The following SCG3 variants were observed in gnomAD, a reference collection of about 807,000 sequenced individuals.
The protein encoded by SCG3 is secretogranin III, also known as secretogranin-3.
Under a neutral mutation model 56.2 loss-of-function variants are expected in SCG3, and 38 were observed. The observed-to-expected ratio is 0.68, with a 90% CI of 0.52 to 0.89. The LOEUF (loss-of-function observed/expected upper bound fraction) is 0.89, where lower values mean the gene tolerates loss of function less well. SCG3 is among the 40% of genes least tolerant of loss of function. The pLI, the probability that SCG3 is intolerant of heterozygous loss-of-function variation, is 0.00. For synonymous variants in SCG3, 176 were observed against 184.2 expected (o/e 0.96, Z 0.36); for missense variants, 524 against 540.7 (o/e 0.97, Z 0.31).
chr15:51,682,966 A>G, intron 2 of SCG3, 113 bp from the exon 3 acceptor site: 1 of 826,560 alleles, frequency 1.2e-6, no homozygotes, highest in South Asian at 1.9e-5. Context: ...AATTATCCAC[A>G]TTTTACAAAC....
Position 51,695,778 on chromosome 15 carries a change from C to G in SCG3, c.869-97C>G, listed in dbSNP as rs567963998. The stretch of plus-strand genomic sequence containing the variant: ...CTCGTCTTTGAAAAAAAAAAAAAAC[C>G]CAAACAAACAAACAAAAAGATGCTG... On this transcript the variant is annotated intron_variant, in intron 7 of 11. Transcript: ENST00000220478. 1.1e-4 allele frequency: 76 copies of G among 722,248 alleles called. No individual in the cohort carries two copies. The East Asian group carries it at 1.2e-3, about 12-fold the overall frequency. The allele number at this position is 722,248 out of a possible 1,614,324, so 44.7% of individuals were successfully genotyped here. A position where few individuals can be genotyped will look rare whatever the true frequency, so the allele number is the denominator to read the frequency against.
At chr15:51,692,408 T>C (rs776393027) in intron 7 of SCG3, 72 bp downstream of exon 7, 46 of 1,378,180 alleles carry the variant, frequency 3.3e-5, no homozygotes, top group Non-Finnish European at 4.4e-5. Flanking sequence ...TGTGTTCTTT[T>C]CTTCCTGTTT....
chr15:51,714,651 A>G (rs2055441799), intron 11 of SCG3, among the ~76,000 whole-genome samples: 1 of 152,230 alleles, frequency 6.6e-6, no homozygotes, highest in African/African-American at 2.4e-5. Flanking sequence ...TTCTGGGGAC[A>G]CAGCTCTGGC....
intron 10 of SCG3, among the ~76,000 whole-genome samples, chr15:51,710,073 G>A (rs72730950): frequency 0.053 from 8,071 of 151,448 alleles, 295 homozygotes; most frequent in Non-Finnish European, 0.075. Context: ...TTCCTAGTTT[G>A]GATTCCATGC....
intron 10 of SCG3, among the ~76,000 whole-genome samples, chr15:51,703,220 C>T (rs958981317): frequency 6.6e-6 from 1 of 151,988 alleles, no homozygotes; most frequent in African/African-American, 2.4e-5. Flanking sequence ...AGAAATTGGC[C>T]CACTTAAAGG....
chr15:51,715,920 C>A (rs929049106), intron 11 of SCG3, among the ~76,000 whole-genome samples: 18 of 151,934 alleles, frequency 1.2e-4, no homozygotes, highest in African/African-American at 4.3e-4. Flanking sequence ...TGCAGTGGCA[C>A]GGTCTCCGCT....
Position 51,704,244 on chromosome 15 carries a change from C to CATATACAT in SCG3, c.1207+3005_1207+3006insCATATATA, listed in dbSNP as rs1555457963. On this transcript the variant is annotated intron_variant, in intron 10 of 11. Transcript: ENST00000220478. ...ATATGTGTGTATACATACATACATA[C>CATATACAT]ATATATATATATATATATATATATA... 1.1e-4 allele frequency among the ~76,000 whole-genome samples: 8 copies of CATATACAT among 73,630 alleles called. No individual in the cohort carries two copies. The East Asian group carries it at 4.2e-3, about 38-fold the overall frequency. 48.3% of individuals were successfully genotyped at this position (73,630 alleles called of 152,430 possible).
chr15:51,682,738 C>T (rs2141555735), intron 2 of SCG3, among the ~76,000 whole-genome samples, 169 bp downstream of exon 2: 1 of 152,182 alleles, frequency 6.6e-6, no homozygotes, highest in Middle Eastern at 3.4e-3. Context: ...AATTCTATGC[C>T]CTAGCAGTTA....
intron 6 of SCG3, among the ~76,000 whole-genome samples, chr15:51,690,218 T>A (rs1217239965): frequency 6.6e-6 from 1 of 152,204 alleles, no homozygotes; most frequent in Admixed American, 6.5e-5. Flanking sequence ...TTGGTTTAGA[T>A]GCCTATTTAC....
chr15:51,690,746 C>T (rs2055261880), intron 6 of SCG3, among the ~76,000 whole-genome samples: 2 of 152,090 alleles, frequency 1.3e-5, no homozygotes, highest in Admixed American at 1.3e-4. Context: ...CCATTACATA[C>T]TCCTATTCAC....
At chr15:51,718,228 A>C (rs1471288081) in intron 11 of SCG3, among the ~76,000 whole-genome samples, 1 of 151,650 alleles carries the variant, frequency 6.6e-6, no homozygotes, top group Non-Finnish European at 1.5e-5. Context: ...ACAGACAGAC[A>C]GACAGACAGA....
intron 6 of SCG3, among the ~76,000 whole-genome samples, chr15:51,689,676 C>T (rs2141562021): frequency 6.6e-6 from 1 of 152,098 alleles, no homozygotes; most frequent in East Asian, 1.9e-4. Flanking sequence ...ATAGTCTCAG[C>T]TACTCAGGAG....
intron 4 of SCG3, among the ~76,000 whole-genome samples, chr15:51,684,333 G>C (rs958597373): frequency 6.6e-6 from 1 of 152,096 alleles, no homozygotes; most frequent in Non-Finnish European, 1.5e-5. Context: ...TTCTTCATTT[G>C]GCAGCCAATG....
intron 4 of SCG3, among the ~76,000 whole-genome samples, chr15:51,684,341 A>G (rs1331482185): frequency 6.6e-6 from 1 of 152,166 alleles, no homozygotes; most frequent in East Asian, 1.9e-4. Context: ...TTGGCAGCCA[A>G]TGTGGTAGTT....
At chr15:51,684,233 C>T (rs150771342) in intron 4 of SCG3, among the ~76,000 whole-genome samples, 7 of 152,234 alleles carry the variant, frequency 4.6e-5, no homozygotes, top group African/African-American at 1.4e-4. Context: ...GTCCAAACTC[C>T]AATCCTTGTC....
chr15:51,713,528 A>C (rs1025098198), intron 11 of SCG3, 115 bp downstream of exon 11: 13 of 595,814 alleles, frequency 2.2e-5, no homozygotes, highest in Non-Finnish European at 3.7e-5. Flanking sequence ...CAGAGCCCAA[A>C]AAAGACTGAA....
intron 7 of SCG3, 68 bp downstream of exon 7, chr15:51,692,404 C>A: frequency 7.2e-7 from 1 of 1,386,166 alleles, no homozygotes; most frequent in South Asian, 1.4e-5. Context: ...TGGGTGTGTT[C>A]TTTTCTTCCT....
intron 10 of SCG3, among the ~76,000 whole-genome samples, chr15:51,704,922 C>T (rs2055365480): frequency 1.3e-5 from 2 of 151,536 alleles, no homozygotes; most frequent in South Asian, 2.1e-4. Flanking sequence ...GTAGCAGCTG[C>T]ACCATTTTAA....
intron 6 of SCG3, 38 bp from the exon 7 acceptor site, chr15:51,692,121 C>T (rs1213193375): frequency 6.4e-7 from 1 of 1,557,996 alleles, no homozygotes; most frequent in East Asian, 2.3e-5. Context: ...CTAGTTCTAA[C>T]AAAATGTTCA....
Sources: gnomAD v4.1 joint callset for allele counts (sites outside exome capture counted in the v4.1 genomes callset) on GRCh38, gnomAD v4.1.1 for gene constraint, MANE v1.5 for transcripts, NCBI Gene and HGNC (gene_info 2026-07-23, HGNC 2026-07-21) for gene names.